The following XKR6 variants were observed in gnomAD, a reference collection of about 807,000 sequenced individuals.
XKR6 encodes the protein XK related 6.
Under a neutral mutation model 56.7 loss-of-function variants are expected in XKR6, and 22 were observed. The ratio of observed to expected loss-of-function variants is 0.39; its 90% CI spans 0.28 to 0.55. The LOEUF (loss-of-function observed/expected upper bound fraction) is 0.55. Among genes scored for constraint, XKR6 ranks in the 20% least tolerant of loss-of-function variants. The pLI, the probability that XKR6 is intolerant of heterozygous loss-of-function variation, is 0.66. For synonymous variants in XKR6, 524 were observed against 387.8 expected (o/e 1.35, Z -4.13); for missense variants, 852 against 889.0 (o/e 0.96, Z 0.53).
At chr8:11,187,975 T>A (rs1394338961) in intron 1 of XKR6, among the ~76,000 whole-genome samples, 1 of 152,218 alleles carries the variant, frequency 6.6e-6, no homozygotes, top group Non-Finnish European at 1.5e-5. Flanking sequence ...TTGCTTTTGT[T>A]AAAGTTCCAC....
chr8:10,942,163 G>A (rs974317447), intron 1 of XKR6, among the ~76,000 whole-genome samples: 1 of 151,924 alleles, frequency 6.6e-6, no homozygotes, highest in Admixed American at 6.6e-5. Flanking sequence ...ACACACACTC[G>A]AACATACCAC....
chr8:10,938,387 G>A (rs1022545752), intron 1 of XKR6, among the ~76,000 whole-genome samples: 9 of 152,204 alleles, frequency 5.9e-5, no homozygotes, highest in African/African-American at 2.2e-4. Context: ...GGGAGCTGTA[G>A]AGCGGAGCTG....
intron 1 of XKR6, among the ~76,000 whole-genome samples, chr8:11,011,441 G>C (rs558829467): frequency 6.6e-6 from 1 of 152,302 alleles, no homozygotes; most frequent in South Asian, 2.1e-4. Flanking sequence ...AGGCTGAGGA[G>C]GGTCCTGAAC....
At chr8:11,187,451 G>A (rs1803330806) in intron 1 of XKR6, among the ~76,000 whole-genome samples, 1 of 152,174 alleles carries the variant, frequency 6.6e-6, no homozygotes, top group Non-Finnish European at 1.5e-5. Flanking sequence ...TGCAACACAT[G>A]TCTCCGGGAC....
intron 1 of XKR6, among the ~76,000 whole-genome samples, chr8:11,008,121 C>A (rs1013010268): frequency 2.0e-5 from 3 of 152,212 alleles, no homozygotes; most frequent in African/African-American, 4.8e-5. Flanking sequence ...CACGTTTACT[C>A]TTTCCTTTTA....
At chr8:10,981,694 C>G (rs1045818274) in intron 1 of XKR6, among the ~76,000 whole-genome samples, 9 of 152,124 alleles carry the variant, frequency 5.9e-5, no homozygotes, top group African/African-American at 2.2e-4. Context: ...GTGTCATTGC[C>G]CAGCTTCCCC....
intron 1 of XKR6, among the ~76,000 whole-genome samples, chr8:11,147,654 CAA>C (rs35057185): frequency 4.8e-4 from 48 of 100,536 alleles, no homozygotes; most frequent in Non-Finnish European, 5.3e-4. Flanking sequence ...GACTCTGTCT[CAA>C]AAAAAAAAAA....
Position 11,024,511 on chromosome 8 carries a change from C to T in XKR6, c.765-99681G>A, listed in dbSNP as rs1480293249. On this transcript the variant is annotated intron_variant, in intron 1 of 2. Coordinates refer to ENST00000416569, the MANE Select transcript of XKR6 (RefSeq NM_173683.4). ...TAATAAGCATTCAGTCAGTGGTAGC[C>T]ATTACTTTCTTATTAATAAACTCAA... 4.6e-5 allele frequency among the ~76,000 whole-genome samples: 7 copies of T among 152,258 alleles called. 1 individual carries two copies. Among genetic ancestry groups the T allele is most frequent in the African/African-American group, 1.4e-4 (6 of 41,548 alleles).
rs201143618 is a variant in XKR6, at chr8:10,986,511, AT to A, written c.765-61682del. On this transcript the variant is annotated intron_variant, in intron 1 of 2. Coordinates refer to ENST00000416569, the MANE Select transcript of XKR6 (RefSeq NM_173683.4). ...AAGGCTGTGGAAAAGTTTAATGAGA[AT>A]TTTTTTCTTACAAAAGATGGTGGAA... 2.0e-5 allele frequency among the ~76,000 whole-genome samples: 3 copies of A among 152,050 alleles called. No homozygotes were observed. The East Asian group carries it at 5.8e-4, about 29-fold the overall frequency.
intron 1 of XKR6, among the ~76,000 whole-genome samples, chr8:11,076,164 G>A (rs1800269128): frequency 6.6e-6 from 1 of 152,212 alleles, no homozygotes; most frequent in African/African-American, 2.4e-5. Flanking sequence ...GAGGTCCATA[G>A]AGGAGTCAGA....
chr8:11,131,833 G>A (rs1800117599), intron 1 of XKR6, among the ~76,000 whole-genome samples: 1 of 152,160 alleles, frequency 6.6e-6, no homozygotes, highest in Non-Finnish European at 1.5e-5. Context: ...TGCTATACAG[G>A]CTTGAAGCCT....
intron 1 of XKR6, among the ~76,000 whole-genome samples, chr8:11,087,846 G>T (rs1563127534): frequency 6.6e-6 from 1 of 152,228 alleles, no homozygotes; most frequent in African/African-American, 2.4e-5. Flanking sequence ...AAATGCTCGA[G>T]GAGAAGGAGG....
At chr8:11,137,401 C>G in intron 1 of XKR6, 1 of 349,028 alleles carries the variant, frequency 2.9e-6, no homozygotes, top group South Asian at 2.2e-5. Context: ...TTCACATATT[C>G]TAGCTAGAAT....
At chr8:10,962,965 C>T (rs761783292) in intron 1 of XKR6, among the ~76,000 whole-genome samples, 10 of 152,174 alleles carry the variant, frequency 6.6e-5, no homozygotes, top group African/African-American at 9.7e-5. Flanking sequence ...CCAGTTGTGG[C>T]CCCTTTTTGA....
intron 1 of XKR6, among the ~76,000 whole-genome samples, chr8:10,942,607 G>A (rs772686377): frequency 1.2e-4 from 19 of 152,218 alleles, no homozygotes; most frequent in South Asian, 1.0e-3. Context: ...GACAGCAGGA[G>A]CCCTCAAATT....
intron 1 of XKR6, among the ~76,000 whole-genome samples, chr8:11,118,341 T>C (rs969493476): frequency 1.3e-5 from 2 of 152,202 alleles, no homozygotes; most frequent in Non-Finnish European, 2.9e-5. Flanking sequence ...TTAGGGAGGA[T>C]TCCCTCTTTT....
rs373961897 is a variant in XKR6, at chr8:10,987,428, T to A, written c.765-62598A>T. 4.6e-5 allele frequency among the ~76,000 whole-genome samples: 7 copies of A among 152,332 alleles called. No individual in the cohort carries two copies. The East Asian group carries it at 1.2e-3, about 25-fold the overall frequency. Reference sequence around the variant, plus strand: ...ACCACAGAGTCAACTTTGAATTCTCTCTCACACACCCCATATCCAATGTAT... The same window carrying A: ...ACCACAGAGTCAACTTTGAATTCTCACTCACACACCCCATATCCAATGTAT... On this transcript the variant is annotated intron_variant, in intron 1 of 2. Transcript: ENST00000416569.
intron 1 of XKR6, among the ~76,000 whole-genome samples, chr8:11,074,129 C>T (rs553108109): frequency 6.6e-6 from 1 of 152,250 alleles, no homozygotes; most frequent in African/African-American, 2.4e-5. Flanking sequence ...AGCTTTGAGC[C>T]TATTCTTAGA....
Position 11,115,722 on chromosome 8 carries a change from T to A in XKR6, c.764+84854A>T, listed in dbSNP as rs116974882. 3.2e-4 allele frequency among the ~76,000 whole-genome samples: 49 copies of A among 152,342 alleles called. No individual in the cohort carries two copies. The East Asian group carries it at 8.7e-3, about 27-fold the overall frequency. ...CCATTTCTGCCTAGGGTCCCATTAC[T>A]GCAACGCTAAGCTTGTGGGAGTTAT... On this transcript the variant is annotated intron_variant, in intron 1 of 2. Coordinates refer to ENST00000416569, the MANE Select transcript of XKR6 (RefSeq NM_173683.4).
Sources: allele counts gnomAD v4.1 joint callset (sites outside exome capture counted in the v4.1 genomes callset), GRCh38; gene constraint gnomAD v4.1.1; transcripts MANE v1.5; gene names NCBI Gene and HGNC (gene_info 2026-07-23, HGNC 2026-07-21).